Variants in PRR16 observed in about 807,000 individuals in gnomAD.
PRR16 encodes proline rich 16, also known as protein Largen.
PRR16 carries 6 observed loss-of-function variants against 18.2 expected under a neutral mutation model. The ratio of observed to expected loss-of-function variants is 0.33; its 90% CI spans 0.18 to 0.65. The LOEUF (loss-of-function observed/expected upper bound fraction) is 0.65. Ranked by LOEUF, PRR16 falls within the 30% of genes least tolerant of loss-of-function variation. The pLI is 0.74. For missense variants in PRR16, 412 were observed against 376.6 expected (o/e 1.09, Z -0.78); for synonymous variants, 151 against 147.8 (o/e 1.02, Z -0.16).
chr5:120,700,325 G>A, the PRR16 span, among the ~76,000 whole-genome samples: 1 of 152,106 alleles, frequency 6.6e-6, no homozygotes, highest in East Asian at 1.9e-4. Context: ...CGTGCTGCGG[G>A]ATGGGATATT....
the PRR16 span, among the ~76,000 whole-genome samples, chr5:120,773,089 C>G: frequency 1.3e-5 from 2 of 152,046 alleles, no homozygotes; most frequent in African/African-American, 4.8e-5. Context: ...CTGTGTGTGG[C>G]TTTGACTTAG....
chr5:120,623,823 C>T (rs908214490), intron 1 of PRR16, among the ~76,000 whole-genome samples: 9 of 151,872 alleles, frequency 5.9e-5, no homozygotes, highest in Admixed American at 1.3e-4. Flanking sequence ...GAGTTAAATA[C>T]GTTTAGTCAG....
Position 120,684,307 on chromosome 5 carries a change from C to G in PRR16, c.160-1647C>G, listed in dbSNP as rs369116575. Among the ~76,000 whole-genome samples the G allele has an allele frequency of 7.2e-5, 11 of 152,088 alleles. No homozygotes were observed. In the East Asian group the frequency reaches 1.4e-3, roughly 19 times the overall value. On this transcript the variant is annotated intron_variant, in intron 1 of 1. Coordinates refer to ENST00000407149, the MANE Select transcript of PRR16 (RefSeq NM_001300783.2). ...AAGACTGAGCCCTGGTGGCCTTTACCTGCCTGGTGGAATCAATCACTTAAG... is the reference window on the plus strand; with the variant it reads ...AAGACTGAGCCCTGGTGGCCTTTACGTGCCTGGTGGAATCAATCACTTAAG...
chr5:120,591,801 G>A lies in PRR16; in HGVS notation c.160-94153G>A, dbSNP rs6892602. On this transcript the variant is annotated intron_variant, in intron 1 of 1. Transcript: ENST00000407149. ...TCATGGTAAGGATAATTTTAAAATA[G>A]TAAACTTAGAGATTAATCGTGTTGT... Among the ~76,000 whole-genome samples the A allele has an allele frequency of 7.5e-3, 1,141 of 152,138 alleles. 15 individuals are homozygous for A. Among genetic ancestry groups the A allele is most frequent in the African/African-American group, 0.026 (1,094 of 41,516 alleles).
intron 1 of PRR16, among the ~76,000 whole-genome samples, chr5:120,648,172 T>C (rs1482634382): frequency 6.6e-6 from 1 of 152,140 alleles, no homozygotes; most frequent in South Asian, 2.1e-4. Context: ...AGTCACTAGA[T>C]GTTTTTAAAT....
At chr5:120,664,500 A>T (rs190152896) in intron 1 of PRR16, among the ~76,000 whole-genome samples, 2 of 151,354 alleles carry the variant, frequency 1.3e-5, no homozygotes, top group African/African-American at 4.9e-5. Context: ...GTACATGTGC[A>T]CAATGTGCAG....
chr5:120,524,252 A>T lies in PRR16; in HGVS notation c.159+59607A>T, dbSNP rs1055826910. Among the ~76,000 whole-genome samples, 16 of 152,312 alleles carry T rather than the reference A, an allele frequency of 1.1e-4. No homozygotes were observed. The East Asian group carries it at 2.5e-3, about 24-fold the overall frequency. ...TCTTCCCAAAATGTTCTTACAGAAA[A>T]TATAGTACCAAAGTCTAGAGTTGTA... On this transcript the variant is annotated intron_variant, in intron 1 of 1. Coordinates refer to ENST00000407149, the MANE Select transcript of PRR16 (RefSeq NM_001300783.2).
At chr5:120,464,688 C>G (rs752237030) in intron 1 of PRR16, 43 bp downstream of exon 1, 1 of 1,496,112 alleles carries the variant, frequency 6.7e-7, no homozygotes, top group African/African-American at 1.4e-5. Flanking sequence ...CACCCTTCGA[C>G]CCCTCCGGGG....
At chr5:120,684,229 A>G (rs1230045431) in intron 1 of PRR16, among the ~76,000 whole-genome samples, 3 of 152,200 alleles carry the variant, frequency 2.0e-5, no homozygotes, top group African/African-American at 4.8e-5. Context: ...TGAATTTACT[A>G]TATTTGTTGA....
the PRR16 span, among the ~76,000 whole-genome samples, chr5:120,747,910 A>G: frequency 1.3e-5 from 2 of 152,272 alleles, no homozygotes; most frequent in South Asian, 4.1e-4. Context: ...AAAAAATTAG[A>G]AAATCTACAT....
intron 1 of PRR16, among the ~76,000 whole-genome samples, chr5:120,652,049 C>T (rs938242780): frequency 3.3e-5 from 5 of 152,034 alleles, no homozygotes; most frequent in African/African-American, 7.2e-5. Flanking sequence ...TTTCACGTCC[C>T]TTGTAAGTCA....
chr5:120,682,621 A>T (rs2150154705), intron 1 of PRR16, among the ~76,000 whole-genome samples: 1 of 152,294 alleles, frequency 6.6e-6, no homozygotes, highest in South Asian at 2.1e-4. Flanking sequence ...TGGGGTAGAT[A>T]ACCTCCAGGT....
intron 1 of PRR16, among the ~76,000 whole-genome samples, chr5:120,606,433 T>C (rs1002833236): frequency 6.6e-6 from 1 of 152,234 alleles, no homozygotes; most frequent in African/African-American, 2.4e-5. Flanking sequence ...CATTTTTATA[T>C]ACTTTTTTAT....
intron 1 of PRR16, among the ~76,000 whole-genome samples, chr5:120,605,894 G>A (rs957604293): frequency 2.0e-5 from 3 of 152,128 alleles, no homozygotes; most frequent in African/African-American, 7.2e-5. Flanking sequence ...TTAGTAGGGG[G>A]CCATGCATTC....
At chr5:120,641,631 C>G (rs909660350) in intron 1 of PRR16, among the ~76,000 whole-genome samples, 1 of 152,096 alleles carries the variant, frequency 6.6e-6, no homozygotes, top group Admixed American at 6.6e-5. Flanking sequence ...ACCCTCTCAA[C>G]TGCCCTTGAC....
At chr5:120,575,972 G>A (rs1020948459) in intron 1 of PRR16, among the ~76,000 whole-genome samples, 6 of 152,178 alleles carry the variant, frequency 3.9e-5, no homozygotes, top group African/African-American at 1.4e-4. Flanking sequence ...AACTGGATAT[G>A]ATGCAGAAGA....
chr5:120,564,325 C>G (rs1752667939), intron 1 of PRR16, among the ~76,000 whole-genome samples: 1 of 152,086 alleles, frequency 6.6e-6, no homozygotes, highest in Non-Finnish European at 1.5e-5. Flanking sequence ...TAGACTTTGC[C>G]TAAGAAATCC....
chr5:120,698,196 G>A, the PRR16 span, among the ~76,000 whole-genome samples: 2 of 152,138 alleles, frequency 1.3e-5, no homozygotes, highest in African/African-American at 4.8e-5. Context: ...CCTAGAGTGG[G>A]AGAGATTAAG....
chr5:120,769,261 C>T, the PRR16 span, among the ~76,000 whole-genome samples: 2 of 151,786 alleles, frequency 1.3e-5, no homozygotes, highest in African/African-American at 2.4e-5. Context: ...TAAATGTGGA[C>T]ATATGCAAAC....
Sources: allele counts gnomAD v4.1 joint callset (sites outside exome capture counted in the v4.1 genomes callset), GRCh38; gene constraint gnomAD v4.1.1; transcripts MANE v1.5; gene names NCBI Gene and HGNC (gene_info 2026-07-23, HGNC 2026-07-21).